GSG1: variants seen among roughly 807,000 people sequenced by gnomAD.
The protein encoded by GSG1 is germ cell associated 1, also known as germ cell-specific gene 1 protein.
In GSG1, 28 loss-of-function variants were observed where a neutral mutation model predicts 30.8. The ratio of observed to expected loss-of-function variants is 0.91; its 90% CI spans 0.67 to 1.25. The LOEUF (loss-of-function observed/expected upper bound fraction) is 1.25, where lower values mean the gene tolerates loss of function less well. Ranked by LOEUF, GSG1 falls within the 50% of genes most tolerant of loss-of-function variation. GSG1 has a pLI of 0.00. For missense variants in GSG1, 435 were observed against 444.7 expected (o/e 0.98, Z 0.20); for synonymous variants, 162 against 178.0 (o/e 0.91, Z 0.71).
chr12:13,100,082 C>A (rs1863086425), intron 1 of GSG1, among the ~76,000 whole-genome samples: 1 of 152,150 alleles, frequency 6.6e-6, no homozygotes, highest in Non-Finnish European at 1.5e-5. Context: ...ATAGTAGCAG[C>A]TATGTTTTAT....
chr12:13,095,791 C>T lies in GSG1; in HGVS notation c.49-4973G>A, dbSNP rs1326322061. The T allele has an allele frequency of 2.3e-5, 35 of 1,496,816 alleles. No homozygotes were observed. In the East Asian group the frequency reaches 4.0e-4, roughly 17 times the overall value. 92.7% of individuals were successfully genotyped at this position (1,496,816 alleles called of 1,614,324 possible). ...ATTAAATGCTGCCTTACAGGGAACA[C>T]GGGCATTTAATAATTGACAAGGCAA... On this transcript the variant is annotated intron_variant, in intron 1 of 6. Transcript: ENST00000651961.
chr12:13,084,909 G>A lies in GSG1; in HGVS notation c.1081C>T (p.Gln361Ter). Residue 361 changes from glutamine to a stop codon, truncating the protein, a stop_gained, in exon 7 of 7, where the codon CAG becomes TAG. Transcript: ENST00000651961. LOFTEE classifies it high-confidence loss of function. ...EAVRSSVEEE[Q>*]C ...CCAAACCCGCTTAACTCCTAACACT[G>A]CTCTTCCTCTACAGATGACCTAACT... The A allele has an allele frequency of 6.5e-7, 1 of 1,547,276 alleles. No homozygotes were observed. Among genetic ancestry groups the A allele is most frequent in the Non-Finnish European group, 8.7e-7 (1 of 1,144,104 alleles).
At chr12:13,099,746 T>G (rs941003718) in intron 1 of GSG1, among the ~76,000 whole-genome samples, 1 of 117,388 alleles carries the variant, frequency 8.5e-6, no homozygotes, top group Non-Finnish European at 1.7e-5. Context: ...CGGTGTTTTT[T>G]TTTGTTTTTT....
At chr12:13,090,978 C>T (rs1013616719) in intron 1 of GSG1, among the ~76,000 whole-genome samples, 160 bp from the exon 2 acceptor site, 9 of 152,146 alleles carry the variant, frequency 5.9e-5, no homozygotes, top group South Asian at 4.1e-4. Flanking sequence ...CTCCAGGGGC[C>T]GCATGGAAGC....
intron 4 of GSG1, chr12:13,088,586 G>T: frequency 3.0e-6 from 2 of 665,896 alleles, no homozygotes; most frequent in Non-Finnish European, 2.6e-6. Context: ...TTCTGTTTTT[G>T]CATTCCTGCA....
At chr12:13,095,772 T>C in intron 1 of GSG1, 1 of 1,529,678 alleles carries the variant, frequency 6.5e-7, no homozygotes, top group African/African-American at 1.4e-5. Flanking sequence ...CATGATTAAA[T>C]GCTGCCTTAC....
intron 4 of GSG1, chr12:13,088,653 G>T: frequency 7.9e-7 from 1 of 1,271,642 alleles, no homozygotes; most frequent in Non-Finnish European, 1.1e-6. Flanking sequence ...GCTCAGAAGA[G>T]AAAAGTGGGA....
chr12:13,084,947 T>C lies in GSG1; in HGVS notation c.1043A>G (p.Glu348Gly), dbSNP rs1865360951. ...AGATGACCTAACTGCTTCTTTCAGC[T>C]CCTGGCTGGCCCCTCTTTGAAATCC... ...NKGFQRGASQ[E>G]LKEAVRSSVE... Residue 348 changes from glutamate to glycine, a missense_variant, in exon 7 of 7, where the codon GAG (glutamate) becomes GGG (glycine). Glu to Gly is a moderately conservative substitution (Grantham distance 98). Transcript: ENST00000651961. 2 of 1,551,792 alleles carry C rather than the reference T, an allele frequency of 1.3e-6. No homozygotes were observed. The highest frequency in any genetic ancestry group is 8.7e-7 in the Non-Finnish European group (1 of 1,147,000).
intron 1 of GSG1, among the ~76,000 whole-genome samples, chr12:13,092,429 T>C (rs539642059): frequency 6.6e-6 from 1 of 152,304 alleles, no homozygotes; most frequent in African/African-American, 2.4e-5. Flanking sequence ...GGCCAGGCCC[T>C]GTCTACTGAA....
rs1233706451 is a variant in GSG1, at chr12:13,089,225, C to T, written c.416G>A (p.Gly139Asp). 2 of 1,558,488 alleles carry T rather than the reference C, an allele frequency of 1.3e-6. No homozygotes were observed. The highest frequency in any genetic ancestry group is 1.2e-5 in the South Asian group (1 of 84,310). The change falls in exon 3 of 7, where the codon GGT (glycine) becomes GAT (aspartate). Residue 139 changes from glycine to aspartate, a missense_variant. Physicochemically the swap from Gly to Asp is moderately conservative, Grantham distance 94 (BLOSUM62 -1). Transcript: ENST00000651961. ...ACTAATACCTTTTGCTGCCGCTGTA[C>T]CACTGGACCGAAGGGCTCTAAATTG... ...WKQFRALRSS[G>D]TAAAKGERCR... is the part of the protein sequence containing the mutation.
chr12:13,090,721 T>C lies in GSG1; in HGVS notation c.146A>G (p.Asn49Ser), dbSNP rs1189858900. The change falls in exon 2 of 7, where the codon AAC becomes AGC. Residue 49 changes from asparagine (N) to serine (S), a missense_variant. By Grantham distance (46) the Asn-to-Ser change is conservative (BLOSUM62 1). Coordinates refer to ENST00000651961, the MANE Select transcript of GSG1 (RefSeq NM_001080555.4). ...CTTCTGTGTGCCCACAAACCAGTAG[T>C]TGCTGAGCAGGGATGTTGTGGAGAA... Reference protein sequence around the residue: ...LSFSTTSLLSNYWFVGTQKVP... With the variant: ...LSFSTTSLLSSYWFVGTQKVP... 2.5e-6 allele frequency: 4 copies of C among 1,614,110 alleles called. No homozygotes were observed. The African/African-American group carries it at 5.3e-5, about 22-fold the overall frequency.
intron 1 of GSG1, among the ~76,000 whole-genome samples, chr12:13,092,796 T>C (rs1193235995): frequency 6.6e-6 from 1 of 151,890 alleles, no homozygotes; most frequent in Admixed American, 6.6e-5. Context: ...TTTCTTTTTT[T>C]TTTTTTTTTA....
At chr12:13,095,427 G>A (rs1453843064) in intron 1 of GSG1, among the ~76,000 whole-genome samples, 1 of 152,150 alleles carries the variant, frequency 6.6e-6, no homozygotes, top group African/African-American at 2.4e-5. Context: ...GTGCGTAGGC[G>A]CCAATGTATA....
rs1335136281 is a variant in GSG1, at chr12:13,093,840, G to A, written c.49-3022C>T. Among the ~76,000 whole-genome samples, 1 of 152,248 alleles carries A rather than the reference G, an allele frequency of 6.6e-6. No individual in the cohort carries two copies. Among genetic ancestry groups the A allele is most frequent in the African/African-American group, 2.4e-5 (1 of 41,474 alleles). On this transcript the variant is annotated intron_variant, in intron 1 of 6. Coordinates refer to ENST00000651961, the MANE Select transcript of GSG1 (RefSeq NM_001080555.4). This position sits in a 1 kb window ranked among gnomAD's most constrained non-coding sequence, Gnocchi z 4.6. Reference sequence around the variant, plus strand: ...TCTCCATGTCATTTTCAGCCTAAGAGAAGAGGAGGCAAGCTAAAATATGAC... The same window carrying A: ...TCTCCATGTCATTTTCAGCCTAAGAAAAGAGGAGGCAAGCTAAAATATGAC...
At chr12:13,086,244 C>G (rs1321616239) in intron 6 of GSG1, among the ~76,000 whole-genome samples, 5 of 152,182 alleles carry the variant, frequency 3.3e-5, no homozygotes, top group Non-Finnish European at 2.9e-5. Context: ...GGCCTGAAGA[C>G]AGACAAAAGG....
intron 1 of GSG1, among the ~76,000 whole-genome samples, chr12:13,098,141 G>GT (rs1174478366): frequency 0.052 from 7,278 of 140,812 alleles, 396 homozygotes; most frequent in African/African-American, 0.15. Flanking sequence ...TGTGTTCTTT[G>GT]TTTTTTTTTT....
intron 4 of GSG1, chr12:13,088,589 T>G: frequency 1.5e-6 from 1 of 685,004 alleles, no homozygotes; most frequent in East Asian, 2.7e-5. Flanking sequence ...TGTTTTTGCA[T>G]TCCTGCATAT....
intron 1 of GSG1, among the ~76,000 whole-genome samples, chr12:13,091,520 A>G (rs1226848582): frequency 6.6e-6 from 1 of 152,194 alleles, no homozygotes. Flanking sequence ...CCTGGGTAAC[A>G]TAGTGAGACC....
intron 1 of GSG1, among the ~76,000 whole-genome samples, chr12:13,091,672 C>G (rs1397121193): frequency 6.6e-6 from 1 of 152,196 alleles, no homozygotes; most frequent in Admixed American, 6.5e-5. Flanking sequence ...CCACTGCACT[C>G]CAGTCTGGGC....
Sources: gnomAD v4.1 joint callset for allele counts (sites outside exome capture counted in the v4.1 genomes callset) on GRCh38, gnomAD v4.1.1 for gene constraint, Gnocchi (gnomAD v3.1) non-coding constraint, MANE v1.5 for transcripts, NCBI Gene and HGNC (gene_info 2026-07-23, HGNC 2026-07-21) for gene names.